The following NNT variants were observed in gnomAD, a reference collection of about 807,000 sequenced individuals.
The protein encoded by NNT is NAD(P) transhydrogenase, mitochondrial.
In NNT, 50 loss-of-function variants were observed where a neutral mutation model predicts 104.8. The ratio of observed to expected loss-of-function variants is 0.48; its 90% CI spans 0.38 to 0.60. NNT has a LOEUF of 0.60. Ranked by LOEUF, NNT falls within the 20% of genes least tolerant of loss-of-function variation. NNT has a pLI of 0.00. For synonymous variants in NNT, 461 were observed against 490.4 expected (o/e 0.94, Z 0.79); for missense variants, 1,131 against 1,330.7 (o/e 0.85, Z 2.33).
intron 17 of NNT, among the ~76,000 whole-genome samples, chr5:43,661,244 T>TGAAGAA (rs2111977929): frequency 6.6e-6 from 1 of 152,294 alleles, no homozygotes; most frequent in Admixed American, 6.5e-5. Context: ...GAAATGTTTA[T>TGAAGAA]GAAATTGTAC....
intron 10 of NNT, 100 bp downstream of exon 10, chr5:43,645,610 T>C: frequency 4.1e-6 from 2 of 493,130 alleles, no homozygotes; most frequent in Non-Finnish European, 6.0e-6. Flanking sequence ...TATACGTATA[T>C]ATAGATATAT....
intron 19 of NNT, among the ~76,000 whole-genome samples, chr5:43,683,114 T>TTGC (rs1224898098): frequency 6.6e-6 from 1 of 152,230 alleles, no homozygotes; most frequent in African/African-American, 2.4e-5. Flanking sequence ...TCTTTGCACT[T>TTGC]TGCATTGGGG....
At chr5:43,605,249 G>C (rs1193642275) in intron 1 of NNT, among the ~76,000 whole-genome samples, 1 of 152,066 alleles carries the variant, frequency 6.6e-6, no homozygotes, top group Non-Finnish European at 1.5e-5. Flanking sequence ...GGGCGCGGTG[G>C]CTCACGCCTG....
chr5:43,643,553 CAAT>C (rs1229844814), intron 7 of NNT, among the ~76,000 whole-genome samples: 2 of 152,146 alleles, frequency 1.3e-5, no homozygotes, highest in African/African-American at 4.8e-5. Context: ...CTGTAGACAC[CAAT>C]ACATAGTTGT....
Position 43,705,115 on chromosome 5 carries a change from T to A in NNT, c.*711T>A, listed in dbSNP as rs1561338919. On this transcript the variant is annotated 3_prime_UTR_variant, in exon 22 of 22. Coordinates refer to ENST00000344920, the MANE Select transcript of NNT (RefSeq NM_182977.3). ...AAATTAGTAATAGTATTTTTGAAGA[T>A]CCCATTTCTAATTGGAGATCTCTTT... is the stretch of plus-strand genomic sequence containing the variant. 4 of 152,184 alleles carry A rather than the reference T, an allele frequency of 2.6e-5. No homozygotes were observed. The highest frequency in any genetic ancestry group is 2.6e-4 in the Admixed American group (4 of 15,264). The allele number at this position is 152,184 out of a possible 1,614,324, so 9.4% of individuals were successfully genotyped here. A position where few individuals can be genotyped will look rare whatever the true frequency, so the allele number is the denominator to read the frequency against.
At position 43,653,143 on chromosome 5, in the gene NNT, C is replaced by T. The variant is rs200074849; in HGVS notation, c.1989C>T (p.Leu663=). Reference sequence around the variant, plus strand: ...TTGCTGGAGGACTGGCAGCCACCCTCGGAGTCCTAAAACCGGGCCCAGAAT... The same window carrying T: ...TTGCTGGAGGACTGGCAGCCACCCTTGGAGTCCTAAAACCGGGCCCAGAAT... ...IGVAGGLAAT[L]GVLKPGPELL... Residue 663 remains leucine, a synonymous_variant, in exon 14 of 22, where the codon CTC becomes CTT. Transcript: ENST00000344920. The T allele has an allele frequency of 1.6e-4, 263 of 1,613,994 alleles. No individual in the cohort carries two copies. The highest frequency in any genetic ancestry group is 2.3e-4 in the Admixed American group (14 of 60,002).
chr5:43,686,633 T>G (rs1004763071), intron 19 of NNT, among the ~76,000 whole-genome samples: 5 of 152,142 alleles, frequency 3.3e-5, no homozygotes, highest in African/African-American at 1.2e-4. Context: ...AATGTATGCT[T>G]CTTTGTATTA....
At position 43,707,255 on chromosome 5, in the gene NNT, G is replaced by A. The variant is rs1409574201; in HGVS notation, c.*2851G>A. ...ATTGTATTCTTGAAAAATTCTAAGA[G>A]AGTGGATGTGAAGTGTTCTCACCAC... On this transcript the variant is annotated 3_prime_UTR_variant, in exon 22 of 22. Coordinates refer to ENST00000344920, the MANE Select transcript of NNT (RefSeq NM_182977.3). The A allele has an allele frequency of 6.6e-6, 1 of 151,926 alleles. No individual in the cohort carries two copies. Among genetic ancestry groups the A allele is most frequent in the African/African-American group, 2.4e-5 (1 of 41,376 alleles). 9.4% of individuals were successfully genotyped at this position (151,926 alleles called of 1,614,324 possible). A position where few individuals can be genotyped will look rare whatever the true frequency, so the allele number is the denominator to read the frequency against.
At chr5:43,647,136 C>A (rs1241013489) in intron 10 of NNT, among the ~76,000 whole-genome samples, 1 of 152,158 alleles carries the variant, frequency 6.6e-6, no homozygotes, top group Admixed American at 6.5e-5. Flanking sequence ...CCATGTGAGT[C>A]CAGATGTTTT....
intron 1 of NNT, among the ~76,000 whole-genome samples, chr5:43,607,940 T>TC: frequency 6.6e-6 from 1 of 151,562 alleles, no homozygotes; most frequent in Admixed American, 6.6e-5. Context: ...TTCTATTCTT[T>TC]TTTTTTTTGA....
chr5:43,685,670 C>G lies in NNT; in HGVS notation c.2876+7864C>G, dbSNP rs17307374. Among the ~76,000 whole-genome samples, 1,171 of 152,198 alleles carry G rather than the reference C, an allele frequency of 7.7e-3. 19 individuals carry two copies. Among genetic ancestry groups the G allele is most frequent in the Non-Finnish European group, 0.014 (950 of 67,976 alleles). On this transcript the variant is annotated intron_variant, in intron 19 of 21. Coordinates refer to ENST00000344920, the MANE Select transcript of NNT (RefSeq NM_182977.3). Reference sequence around the variant, plus strand: ...TTAATAGTTTATTGCTGAACTAGGTCTGGATATTTCCATAATACAAGAAGC... The same window carrying G: ...TTAATAGTTTATTGCTGAACTAGGTGTGGATATTTCCATAATACAAGAAGC...
intron 5 of NNT, among the ~76,000 whole-genome samples, chr5:43,622,274 C>T (rs1178903427): frequency 6.6e-6 from 1 of 152,106 alleles, no homozygotes. Context: ...TGATGAATTC[C>T]CCATTTTGGC....
In NNT at chr5:43,706,805, T is replaced by C. The variant is rs541965021; in HGVS notation, c.*2401T>C. On this transcript the variant is annotated 3_prime_UTR_variant, in exon 22 of 22. Coordinates refer to ENST00000344920, the MANE Select transcript of NNT (RefSeq NM_182977.3). ...CTATGCAGCCATAAAAAAGGATGAG[T>C]TCATGTCCTTTGTAGGGACATGGAT... 2.6e-4 allele frequency: 40 copies of C among 152,266 alleles called. No individual in the cohort carries two copies. The highest frequency in any genetic ancestry group is 8.9e-4 in the African/African-American group (37 of 41,546). The allele number at this position is 152,266 out of a possible 1,614,324, so 9.4% of individuals were successfully genotyped here. A position where few individuals can be genotyped will look rare whatever the true frequency, so the allele number is the denominator to read the frequency against.
At position 43,704,360 on chromosome 5, in the gene NNT, T is replaced by C. The variant is rs1458264557; in HGVS notation, c.3217T>C (p.Cys1073Arg). 1 of 1,613,716 alleles carries C rather than the reference T, an allele frequency of 6.2e-7. No individual in the cohort carries two copies. Among genetic ancestry groups the C allele is most frequent in the East Asian group, 2.2e-5 (1 of 44,850 alleles). The change falls in exon 22 of 22, where the codon TGT becomes CGT. Residue 1073 changes from cysteine (C) to arginine (R), a missense_variant. Transcript: ENST00000344920. Reference protein sequence around the residue: ...AMLLGDAKKTCDALQAKVRES... With the variant: ...AMLLGDAKKTRDALQAKVRES... ...GCTTCTAGGTGATGCCAAGAAAACA[T>C]GTGACGCGCTCCAGGCGAAAGTTAG...
At chr5:43,690,961 TTCTTC>T (rs529959936) in intron 19 of NNT, among the ~76,000 whole-genome samples, 224 of 152,324 alleles carry the variant, frequency 1.5e-3, no homozygotes, top group African/African-American at 5.2e-3. Context: ...TTTGAATATT[TTCTTC>T]TCTTCTGTGC....
At chr5:43,651,211 A>G (rs570210699) in intron 12 of NNT, among the ~76,000 whole-genome samples, 1 of 152,210 alleles carries the variant, frequency 6.6e-6, no homozygotes, top group Non-Finnish European at 1.5e-5. Context: ...TCTGATAGCA[A>G]GTTTTCTTCC....
chr5:43,665,451 G>GC (rs1252032423), intron 17 of NNT, among the ~76,000 whole-genome samples: 5 of 151,900 alleles, frequency 3.3e-5, no homozygotes. Flanking sequence ...CGAGCATGCT[G>GC]CCTTCAAGCA....
chr5:43,645,605 G>A lies in NNT; in HGVS notation c.1444+95G>A, dbSNP rs534626249. 3.3e-5 allele frequency: 16 copies of A among 486,464 alleles called. 1 individual carries two copies. In the South Asian group the frequency reaches 4.0e-4, roughly 12 times the overall value. 30.1% of individuals were successfully genotyped at this position (486,464 alleles called of 1,614,324 possible). On this transcript the variant is annotated intron_variant, in intron 10 of 21. Transcript: ENST00000344920. ...TAGATATATGTGTAGCTATATATAC[G>A]TATATATAGATATATATACACATAT...
intron 3 of NNT, 194 bp downstream of exon 3, chr5:43,613,331 G>T: frequency 1.8e-6 from 1 of 541,788 alleles, no homozygotes. Flanking sequence ...TATGATCTAT[G>T]TTTAACCATG....
Sources: allele counts gnomAD v4.1 joint callset (sites outside exome capture counted in the v4.1 genomes callset), GRCh38; gene constraint gnomAD v4.1.1; transcripts MANE v1.5; gene names NCBI Gene and HGNC (gene_info 2026-07-23, HGNC 2026-07-21).